Variants in ROBO1 observed in about 807,000 individuals in gnomAD.
The protein encoded by ROBO1 is roundabout guidance receptor 1.
Under a neutral mutation model 195.9 loss-of-function variants are expected in ROBO1, and 149 were observed. The observed-to-expected ratio is 0.76, with a 90% CI of 0.67 to 0.87. The LOEUF (loss-of-function observed/expected upper bound fraction) is 0.87, where lower values mean the gene tolerates loss of function less well. Ranked by LOEUF, ROBO1 falls within the 40% of genes least tolerant of loss-of-function variation. The pLI, the probability that ROBO1 is intolerant of heterozygous loss-of-function variation, is 0.00. For synonymous variants in ROBO1, 816 were observed against 733.2 expected (o/e 1.11, Z -1.82); for missense variants, 1,933 against 2,068.3 (o/e 0.93, Z 1.27).
Position 79,030,695 on chromosome 3 carries a change from A to G in ROBO1, c.173-91768T>C, listed in dbSNP as rs555562263. ...AATATGTTGTCATCTAGAGCTTTATATAAAGAGGCAATCTTTTTCCAATAT... is the reference window on the plus strand; with the variant it reads ...AATATGTTGTCATCTAGAGCTTTATGTAAAGAGGCAATCTTTTTCCAATAT... On this transcript the variant is annotated intron_variant, in intron 3 of 30. Coordinates refer to ENST00000464233, the MANE Select transcript of ROBO1 (RefSeq NM_002941.4). 3.3e-5 allele frequency among the ~76,000 whole-genome samples: 5 copies of G among 152,302 alleles called. No individual in the cohort carries two copies. The South Asian group carries it at 1.0e-3, about 32-fold the overall frequency.
chr3:78,723,945 T>C (rs1413581376), intron 5 of ROBO1, among the ~76,000 whole-genome samples: 6 of 152,112 alleles, frequency 3.9e-5, no homozygotes, highest in African/African-American at 1.4e-4. Flanking sequence ...ATCTCAACAA[T>C]AAACCAATTT....
In ROBO1 at chr3:78,668,199, T is replaced by A. The variant is rs771922373; in HGVS notation, c.1734A>T (p.Thr578=). Residue 578 remains threonine, a synonymous_variant, in exon 13 of 31, where the codon ACA becomes ACT. Transcript: ENST00000464233. ...EVTDVSRNTV[T]LSWQPNLNSG... ...AATTCAAATTTGGTTGCCACGATAATGTGACTGTATTTCTGCTGACATCTG... is the reference window on the plus strand; with the variant it reads ...AATTCAAATTTGGTTGCCACGATAAAGTGACTGTATTTCTGCTGACATCTG... The A allele has an allele frequency of 1.9e-6, 3 of 1,613,574 alleles. No homozygotes were observed. Among genetic ancestry groups the A allele is most frequent in the Admixed American group, 3.3e-5 (2 of 60,002 alleles).
At chr3:79,749,193 C>G (rs987137594) in intron 1 of ROBO1, among the ~76,000 whole-genome samples, 8 of 152,066 alleles carry the variant, frequency 5.3e-5, no homozygotes, top group Non-Finnish European at 1.0e-4. Context: ...TGCAAAGAGA[C>G]TGGTGACATT....
intron 3 of ROBO1, among the ~76,000 whole-genome samples, chr3:79,113,808 C>T (rs141864602): frequency 1.3e-5 from 2 of 152,174 alleles, no homozygotes; most frequent in African/African-American, 4.8e-5. Flanking sequence ...ATACAATAGG[C>T]CTTTATCCTG....
intron 2 of ROBO1, among the ~76,000 whole-genome samples, chr3:79,145,899 G>C (rs2080638895): frequency 6.6e-6 from 1 of 151,972 alleles, no homozygotes; most frequent in Non-Finnish European, 1.5e-5. Context: ...CTGAGATAAA[G>C]CTATTGGATA....
chr3:79,001,390 A>G (rs2077501406), intron 3 of ROBO1, among the ~76,000 whole-genome samples: 1 of 152,062 alleles, frequency 6.6e-6, no homozygotes, highest in Admixed American at 6.6e-5. Flanking sequence ...CTCCCACCAG[A>G]TCCCTCCCAC....
intron 14 of ROBO1, among the ~76,000 whole-genome samples, chr3:78,666,799 C>A (rs1431327035): frequency 1.3e-5 from 2 of 152,122 alleles, no homozygotes; most frequent in Admixed American, 1.3e-4. Flanking sequence ...GCTGGCAGAC[C>A]CCTCTCCCAA....
chr3:79,418,204 G>T (rs1055364682), intron 2 of ROBO1, among the ~76,000 whole-genome samples: 2 of 152,184 alleles, frequency 1.3e-5, no homozygotes, highest in African/African-American at 4.8e-5. Flanking sequence ...CACTGGCACT[G>T]GTGTGTTTCT....
At chr3:79,120,162 A>G (rs931180175) in intron 3 of ROBO1, among the ~76,000 whole-genome samples, 2 of 152,204 alleles carry the variant, frequency 1.3e-5, no homozygotes, top group Non-Finnish European at 2.9e-5. Context: ...GACAATAAAC[A>G]TAAAGGTTGT....
intron 1 of ROBO1, among the ~76,000 whole-genome samples, chr3:79,693,427 GT>G (rs370518631): frequency 6.8e-6 from 1 of 147,162 alleles, no homozygotes; most frequent in African/African-American, 2.5e-5. Context: ...GTGTGTCCTT[GT>G]TTTTTTGTTT....
chr3:79,288,282 T>C lies in ROBO1; in HGVS notation c.89-162743A>G, dbSNP rs190136846. 3.1e-3 allele frequency among the ~76,000 whole-genome samples: 478 copies of C among 152,324 alleles called. 1 individual carries two copies. The highest frequency in any genetic ancestry group is 5.8e-3 in the Non-Finnish European group (395 of 68,032). On this transcript the variant is annotated intron_variant, in intron 2 of 30. Coordinates refer to ENST00000464233, the MANE Select transcript of ROBO1 (RefSeq NM_002941.4). ...CTGAAACTAAGGAAATCCTTTGGAA[T>C]GACCTCAGTTTTTATTCTTTTCTGA...
At position 78,717,269 on chromosome 3, in the gene ROBO1, G is replaced by GTGTACCT; in HGVS notation, c.916_917+5dup. The GTGTACCT allele has an allele frequency of 6.4e-7, 1 of 1,555,126 alleles. No homozygotes were observed. Among genetic ancestry groups the GTGTACCT allele is most frequent in the Non-Finnish European group, 8.6e-7 (1 of 1,156,158 alleles). ...ACAAATCATATCATGAAACTCTGAT[G>GTGTACCT]TGTACCTGGATTTGGGCAGCTCTCC... On this transcript the variant is annotated splice_donor_region_variant and intron_variant, in intron 7 of 30. Transcript: ENST00000464233.
intron 2 of ROBO1, among the ~76,000 whole-genome samples, chr3:79,509,404 A>G (rs1940583249): frequency 6.6e-6 from 1 of 152,164 alleles, no homozygotes; most frequent in South Asian, 2.1e-4. Context: ...ATCCTGTCTA[A>G]AAAAGCTGCT....
intron 1 of ROBO1, among the ~76,000 whole-genome samples, chr3:79,755,002 T>A (rs1048227094): frequency 2.0e-5 from 3 of 152,134 alleles, no homozygotes; most frequent in Non-Finnish European, 4.4e-5. Context: ...TGCCTCAGCC[T>A]CCCGAGTAGC....
At chr3:79,496,494 C>T (rs1247571576) in intron 2 of ROBO1, among the ~76,000 whole-genome samples, 2 of 145,832 alleles carry the variant, frequency 1.4e-5, no homozygotes, top group Admixed American at 1.4e-4. Flanking sequence ...CGCCATTCTC[C>T]TGCCTCAGCC....
chr3:79,285,268 A>G (rs1030672313), intron 2 of ROBO1, among the ~76,000 whole-genome samples: 4 of 152,214 alleles, frequency 2.6e-5, no homozygotes, highest in African/African-American at 4.8e-5. Flanking sequence ...CTTAAAGTCT[A>G]TAGCCCCCAT....
rs141319842 is a variant in ROBO1 at position 78,782,460 on chromosome 3, G to C, written c.500-35560C>G. ...GATCCTCCCACCTTGGCCTCCCGAA[G>C]TGCTGGGATTACAGGCATGAGCTAC... is the stretch of plus-strand genomic sequence containing the variant. On this transcript the variant is annotated intron_variant, in intron 4 of 30. Coordinates refer to ENST00000464233, the MANE Select transcript of ROBO1 (RefSeq NM_002941.4). 7.8e-3 allele frequency among the ~76,000 whole-genome samples: 1,181 copies of C among 152,188 alleles called. 25 individuals carry two copies. Among genetic ancestry groups the C allele is most frequent in the African/African-American group, 0.027 (1,135 of 41,522 alleles).
chr3:78,807,922 T>TC (rs57231877), intron 4 of ROBO1, among the ~76,000 whole-genome samples: 3 of 72,012 alleles, frequency 4.2e-5, no homozygotes, highest in Non-Finnish European at 8.7e-5. Flanking sequence ...AAACATTTGC[T>TC]AAACACATCA....
intron 1 of ROBO1, among the ~76,000 whole-genome samples, chr3:79,621,075 T>C (rs1022564627): frequency 1.4e-4 from 22 of 152,188 alleles, no homozygotes; most frequent in African/African-American, 5.3e-4. Context: ...CTTTCTTTAC[T>C]ATTCCTGTAC....
Sources: gnomAD v4.1 joint callset for allele counts (sites outside exome capture counted in the v4.1 genomes callset) on GRCh38, gnomAD v4.1.1 for gene constraint, MANE v1.5 for transcripts, NCBI Gene and HGNC (gene_info 2026-07-23, HGNC 2026-07-21) for gene names.